Variants in NUP155 observed in about 807,000 individuals in gnomAD.
NUP155 encodes nucleoporin 155.
In NUP155, 71 loss-of-function variants were observed where a neutral mutation model predicts 180.4. The observed-to-expected ratio is 0.39, with a 90% CI of 0.33 to 0.48. The LOEUF is 0.48. NUP155 is among the 20% of genes least tolerant of loss of function. The pLI is 0.91. For synonymous variants in NUP155, 582 were observed against 559.5 expected (o/e 1.04, Z -0.57); for missense variants, 1,553 against 1,648.9 (o/e 0.94, Z 1.01).
Position 37,303,268 on chromosome 5 carries a change from G to A in NUP155, c.3309C>T (p.Asp1103=), listed in dbSNP as rs143682692. ...AGAATATTATGCCATACCTATGCAT[G>A]TCAGCCAGTCTGGACAGTACACGAG... ...NAARVLSRLA[D]MHSTEISLQQ... is the part of the protein sequence containing the mutation. The change falls in exon 28 of 35, where the codon GAC becomes GAT. Residue 1103 remains aspartate (D), a synonymous_variant. Transcript: ENST00000231498. 4.5e-5 allele frequency: 72 copies of A among 1,614,016 alleles called. 1 individual carries two copies. In the Admixed American group the frequency reaches 5.0e-4, roughly 11 times the overall value.
chr5:37,356,229 CA>C (rs35469429), intron 4 of NUP155, among the ~76,000 whole-genome samples: 1,325 of 91,444 alleles, frequency 0.014, 20 homozygotes, highest in African/African-American at 0.053. Context: ...AATTCCATCT[CA>C]AAAAAAAAAA....
At chr5:37,355,799 C>T (rs1381273002) in intron 4 of NUP155, among the ~76,000 whole-genome samples, 2 of 151,718 alleles carry the variant, frequency 1.3e-5, no homozygotes, top group Non-Finnish European at 1.5e-5. Context: ...AGGATGGTCT[C>T]GATCTCCTGA....
chr5:37,365,711 G>GGGA (rs1491216296), intron 1 of NUP155, among the ~76,000 whole-genome samples: 7 of 34,012 alleles, frequency 2.1e-4, no homozygotes, highest in East Asian at 9.1e-4. Context: ...CTGTCTCGGG[G>GGGA]AGAAAAAAAA....
chr5:37,331,824 A>T lies in NUP155; in HGVS notation c.1519-29T>A. 4 of 1,356,348 alleles carry T rather than the reference A, an allele frequency of 2.9e-6. No individual in the cohort carries two copies. In the South Asian group the frequency reaches 4.6e-5, roughly 16 times the overall value. The allele number at this position is 1,356,348 out of a possible 1,614,324, so 84.0% of individuals were successfully genotyped here. On this transcript the variant is annotated intron_variant, in intron 13 of 34. Transcript: ENST00000231498. ...AGAAATTTGAAGAAAGAACATGAAC[A>T]AGAGATTTACCAAGATTGGCTGATA... is the stretch of plus-strand genomic sequence containing the variant.
chr5:37,309,159 G>C lies in NUP155; in HGVS notation c.2737C>G (p.Leu913Val). The change falls in exon 24 of 35, where the codon CTT becomes GTT. Residue 913 changes from leucine (L) to valine (V), a missense_variant. Transcript: ENST00000231498. ...EYQKISNQVD[L>V]SNVCAQYRQV... ...CTATACTGAGCACAAACATTGGAAAGGTCCACTTGATTGCTAATTTTTTGA... is the reference window on the plus strand; with the variant it reads ...CTATACTGAGCACAAACATTGGAAACGTCCACTTGATTGCTAATTTTTTGA... 1 of 1,613,438 alleles carries C rather than the reference G, an allele frequency of 6.2e-7. No homozygotes were observed. The highest frequency in any genetic ancestry group is 1.1e-5 in the South Asian group (1 of 91,064).
chr5:37,355,547 G>GTGTATATA (rs977072922), intron 4 of NUP155, among the ~76,000 whole-genome samples: 1 of 147,332 alleles, frequency 6.8e-6, no homozygotes, highest in African/African-American at 2.5e-5. Context: ...GTGTGTGTGT[G>GTGTATATA]TATATATATA....
At chr5:37,346,461 C>T (rs975473506) in intron 9 of NUP155, among the ~76,000 whole-genome samples, 1 of 152,022 alleles carries the variant, frequency 6.6e-6, no homozygotes, top group Admixed American at 6.6e-5. Context: ...CACCTCAGGT[C>T]AGGAGGTCGA....
Position 37,302,795 on chromosome 5 carries a change from A to C in NUP155, c.3431T>G (p.Leu1144Ter), listed in dbSNP as rs1239841299. The C allele has an allele frequency of 6.2e-7, 1 of 1,613,932 alleles. No homozygotes were observed. Among genetic ancestry groups the C allele is most frequent in the Admixed American group, 1.7e-5 (1 of 60,004 alleles). Residue 1144 changes from leucine (L) to a stop codon, truncating the protein, a stop_gained, in exon 29 of 35, where the codon TTA becomes TGA. Coordinates refer to ENST00000231498, the MANE Select transcript of NUP155 (RefSeq NM_153485.3). LOFTEE classifies it high-confidence loss of function. ...IAADGEFLHE[L>*]EEKMEVARIQ... ...AGCACTTACCTCCATTTTTTCTTCTAATTCATGAAGAAATTCACCATCGGC... is the reference window on the plus strand; with the variant it reads ...AGCACTTACCTCCATTTTTTCTTCTCATTCATGAAGAAATTCACCATCGGC...
At chr5:37,302,405 G>A (rs569729747) in intron 29 of NUP155, among the ~76,000 whole-genome samples, 2 of 152,036 alleles carry the variant, frequency 1.3e-5, no homozygotes, top group African/African-American at 4.8e-5. Flanking sequence ...GCTAATTCTT[G>A]TATTTTTTTA....
chr5:37,294,362 T>G lies in NUP155; in HGVS notation c.3897A>C (p.Leu1299=), dbSNP rs766386204. The change falls in exon 33 of 35, where the codon CTA becomes CTC. Residue 1299 remains leucine, a synonymous_variant. Coordinates refer to ENST00000231498, the MANE Select transcript of NUP155 (RefSeq NM_153485.3). ...TGAACAACTGATCATAAACTTCTAGTAGTCTAGGTAATGGTACTCCAATTT... is the reference window on the plus strand; with the variant it reads ...TGAACAACTGATCATAAACTTCTAGGAGTCTAGGTAATGGTACTCCAATTT... ...MNEIGVPLPR[L]LEVYDQLFKS... 2 of 1,600,428 alleles carry G rather than the reference T, an allele frequency of 1.2e-6. No homozygotes were observed. The highest frequency in any genetic ancestry group is 3.3e-5 in the Admixed American group (2 of 59,848).
chr5:37,350,785 AGACCT>A (rs1746402600), intron 6 of NUP155, among the ~76,000 whole-genome samples: 1 of 149,268 alleles, frequency 6.7e-6, no homozygotes, highest in Admixed American at 6.7e-5. Context: ...CCTGGGTGAT[AGACCT>A]GGGTGATACA....
At position 37,333,511 on chromosome 5, in the gene NUP155, TACA is replaced by T. The variant is rs1323192665; in HGVS notation, c.1467_1469del (p.Val490del). ...TCTTCGGAGGTAACATGTGCTGCTG[TACA>T]ACAACTGGTGAATCAGTTATTGGAA... is the stretch of plus-strand genomic sequence containing the variant. On this transcript the variant is annotated inframe_deletion, in exon 13 of 35. Coordinates refer to ENST00000231498, the MANE Select transcript of NUP155 (RefSeq NM_153485.3). 5.6e-6 allele frequency: 9 copies of T among 1,614,032 alleles called. No individual in the cohort carries two copies. Among genetic ancestry groups the T allele is most frequent in the East Asian group, 2.2e-5 (1 of 44,884 alleles).
chr5:37,342,101 T>C (rs1745764685), intron 10 of NUP155, among the ~76,000 whole-genome samples: 1 of 152,160 alleles, frequency 6.6e-6, no homozygotes, highest in African/African-American at 2.4e-5. Flanking sequence ...TGTAGTAGCA[T>C]AATCTCAGCT....
rs543310944 is a variant in NUP155 at position 37,310,667 on chromosome 5, A to G, written c.2513T>C (p.Ile838Thr). ...GATGTAGCAGTTGATAAGAGAAGCA[A>G]TTAATGCCCCTGTGAGTTCTTTGTC... The part of the protein sequence containing the change: ...IRDKELTGAL[I>T]ASLINCYIRD... The change falls in exon 23 of 35, where the codon ATT becomes ACT. Residue 838 changes from isoleucine to threonine, a missense_variant. Physicochemically the swap from Ile to Thr is moderately conservative, Grantham distance 89. Transcript: ENST00000231498. 3.6e-5 allele frequency: 58 copies of G among 1,613,904 alleles called. 2 individuals carry two copies. In the Admixed American group the frequency reaches 7.7e-4, roughly 21 times the overall value.
At position 37,371,081 on chromosome 5, in the gene NUP155, C is replaced by A; in HGVS notation, c.-104G>T. On this transcript the variant is annotated 5_prime_UTR_variant, in exon 1 of 35. Coordinates refer to ENST00000231498, the MANE Select transcript of NUP155 (RefSeq NM_153485.3). ...AGATCCGCCGCCTAGGGCGCGCGCG[C>A]CAAACGAGCGCCTTGGCGCCTCGAC... is the stretch of plus-strand genomic sequence containing the variant. 8.2e-7 allele frequency: 1 copy of A among 1,226,428 alleles called. No homozygotes were observed. Among genetic ancestry groups the A allele is most frequent in the Non-Finnish European group, 1.2e-6 (1 of 861,346 alleles). The allele number at this position is 1,226,428 out of a possible 1,614,324, so 76.0% of individuals were successfully genotyped here. A position where few individuals can be genotyped will look rare whatever the true frequency, so the allele number is the denominator to read the frequency against.
intron 31 of NUP155, 84 bp from the exon 32 acceptor site, chr5:37,299,062 G>A: frequency 1.2e-6 from 1 of 814,964 alleles, no homozygotes; most frequent in South Asian, 1.4e-5. Context: ...CTGTTTCAAG[G>A]TTCAAAATAC....
At chr5:37,309,358 A>G in intron 23 of NUP155, 91 bp from the exon 24 acceptor site, 4 of 1,034,104 alleles carry the variant, frequency 3.9e-6, no homozygotes, top group Non-Finnish European at 5.8e-6. Context: ...GTCTAAATTT[A>G]TATATGGTTA....
intron 6 of NUP155, among the ~76,000 whole-genome samples, 191 bp downstream of exon 6, chr5:37,350,999 T>C (rs1746422920): frequency 6.6e-6 from 1 of 152,104 alleles, no homozygotes. Context: ...CATAGAATAA[T>C]GACTTTTACC....
At chr5:37,294,641 T>C (rs1263818338) in intron 32 of NUP155, among the ~76,000 whole-genome samples, 176 bp from the exon 33 acceptor site, 1 of 152,178 alleles carries the variant, frequency 6.6e-6, no homozygotes, top group African/African-American at 2.4e-5. Flanking sequence ...TGGCTATTCA[T>C]AGGAGCAACT....
Sources: gnomAD v4.1 joint callset for allele counts (sites outside exome capture counted in the v4.1 genomes callset) on GRCh38, gnomAD v4.1.1 for gene constraint, MANE v1.5 for transcripts, NCBI Gene and HGNC (gene_info 2026-07-23, HGNC 2026-07-21) for gene names.